Variants in SEMA3A observed in about 807,000 individuals in gnomAD.
SEMA3A encodes the protein semaphorin 3A.
In SEMA3A, 29 loss-of-function variants were observed where a neutral mutation model predicts 97.9. The observed-to-expected ratio is 0.30, with a 90% CI of 0.22 to 0.40. The LOEUF (loss-of-function observed/expected upper bound fraction) is 0.40, where lower values mean the gene tolerates loss of function less well. Ranked by LOEUF, SEMA3A falls within the 10% of genes least tolerant of loss-of-function variation. SEMA3A has a pLI of 1.00. For missense variants in SEMA3A, 763 were observed against 951.3 expected, an observed-to-expected ratio of 0.80 and a Z score of 2.60; for synonymous variants, 321 against 323.7, an observed-to-expected ratio of 0.99 and a Z score of 0.09.
intron 11 of SEMA3A, among the ~76,000 whole-genome samples, chr7:84,002,685 T>G (rs1346406969): frequency 6.6e-6 from 1 of 152,288 alleles, no homozygotes; most frequent in Middle Eastern, 3.4e-3. Context: ...AGTAAACACC[T>G]AGAATTGCTT....
chr7:84,432,382 T>C (rs1420019866), intron 1 of SEMA3A, among the ~76,000 whole-genome samples: 1 of 152,154 alleles, frequency 6.6e-6, no homozygotes, highest in Non-Finnish European at 1.5e-5. Flanking sequence ...ACTACAATTA[T>C]TTTTATTATT....
chr7:84,347,611 C>T (rs111579194), intron 2 of SEMA3A, among the ~76,000 whole-genome samples: 1,621 of 152,078 alleles, frequency 0.011, 33 homozygotes, highest in African/African-American at 0.037. Context: ...GGGATTTCAC[C>T]ACATTGGCCA....
At chr7:84,045,971 G>GAA (rs199548362) in intron 6 of SEMA3A, among the ~76,000 whole-genome samples, 7,309 of 148,210 alleles carry the variant, frequency 0.049, 287 homozygotes, top group East Asian at 0.19. Context: ...AGATGTAAAG[G>GAA]AAAAAAAAAA....
intron 12 of SEMA3A, among the ~76,000 whole-genome samples, chr7:83,999,623 T>C (rs976861534): frequency 1.3e-5 from 2 of 152,100 alleles, no homozygotes; most frequent in African/African-American, 4.8e-5. Context: ...GAATTTAGCA[T>C]TGTGCCAGGA....
intron 1 of SEMA3A, among the ~76,000 whole-genome samples, chr7:84,407,342 T>A (rs1246177073): frequency 6.6e-6 from 1 of 152,116 alleles, no homozygotes; most frequent in African/African-American, 2.4e-5. Flanking sequence ...ACAAGGGATA[T>A]GAAGGACCTC....
intron 1 of SEMA3A, among the ~76,000 whole-genome samples, chr7:84,160,275 ATCG>A (rs1796990315): frequency 8.0e-6 from 1 of 125,422 alleles, no homozygotes; most frequent in Admixed American, 8.3e-5. Context: ...CTATCTATCT[ATCG>A]TTAGTTCGTT....
intron 2 of SEMA3A, among the ~76,000 whole-genome samples, chr7:84,318,739 A>G (rs1801576137): frequency 6.6e-6 from 1 of 152,168 alleles, no homozygotes; most frequent in Non-Finnish European, 1.5e-5. Context: ...AGCCACTCTT[A>G]TCTTGTGACT....
chr7:84,299,242 G>GTATACA (rs1800939529), intron 3 of SEMA3A, among the ~76,000 whole-genome samples: 1 of 127,536 alleles, frequency 7.8e-6, no homozygotes, highest in Non-Finnish European at 1.6e-5. Context: ...AAAACAGTGT[G>GTATACA]TATATATATA....
rs75064494 is a variant in SEMA3A at position 84,089,978 on chromosome 7, T to C, written c.453+20492A>G. Among the ~76,000 whole-genome samples, 798 of 152,116 alleles carry C rather than the reference T, an allele frequency of 5.2e-3. 4 individuals carry two copies. Among genetic ancestry groups the C allele is most frequent in the East Asian group, 0.017 (87 of 5,182 alleles). The stretch of plus-strand genomic sequence containing the variant: ...CTTAGAAAAATATATTTTAAAATAC[T>C]ATTATTATATGATGGATGATTTGAA... On this transcript the variant is annotated intron_variant, in intron 4 of 16. Transcript: ENST00000265362.
chr7:84,435,935 G>A (rs1805115857), intron 1 of SEMA3A, among the ~76,000 whole-genome samples: 3 of 152,098 alleles, frequency 2.0e-5, no homozygotes, highest in Admixed American at 6.6e-5. Flanking sequence ...AAACTGTGCT[G>A]TAAGGCTACA....
intron 11 of SEMA3A, among the ~76,000 whole-genome samples, chr7:84,002,257 T>G (rs549105805): frequency 6.6e-6 from 1 of 152,278 alleles, no homozygotes; most frequent in African/African-American, 2.4e-5. Flanking sequence ...AACACAATCT[T>G]GGAATAATAA....
At chr7:84,056,925 A>C (rs985032755) in intron 5 of SEMA3A, among the ~76,000 whole-genome samples, 5 of 152,230 alleles carry the variant, frequency 3.3e-5, no homozygotes, top group Admixed American at 3.3e-4. Context: ...CACCGAAAAT[A>C]ATAGTATGCT....
chr7:84,404,310 T>A (rs184882916), intron 1 of SEMA3A, among the ~76,000 whole-genome samples: 3,992 of 151,256 alleles, frequency 0.026, 165 homozygotes, highest in African/African-American at 0.09. Flanking sequence ...GAAGACAAAA[T>A]GAATGAAATG....
chr7:83,958,314 AG>A lies in SEMA3A; in HGVS notation c.*3056del, dbSNP rs979308918. On this transcript the variant is annotated 3_prime_UTR_variant, in exon 17 of 17. Transcript: ENST00000265362. ...TATGTTCCTTAACACCATATGTTAT[AG>A]GGAACAGTAAAGACATCTGAATTCA... The A allele has an allele frequency of 6.6e-6, 1 of 152,506 alleles. No individual in the cohort carries two copies. Among genetic ancestry groups the A allele is most frequent in the African/African-American group, 2.4e-5 (1 of 41,432 alleles). 9.4% of individuals were successfully genotyped at this position (152,506 alleles called of 1,614,324 possible).
At chr7:84,040,200 A>G (rs1792085455) in intron 6 of SEMA3A, among the ~76,000 whole-genome samples, 2 of 149,650 alleles carry the variant, frequency 1.3e-5, no homozygotes, top group African/African-American at 4.9e-5. Flanking sequence ...TTTCACTCAG[A>G]GTGATTAGGG....
chr7:84,265,802 T>G (rs923131675), intron 3 of SEMA3A, among the ~76,000 whole-genome samples: 4 of 151,924 alleles, frequency 2.6e-5, no homozygotes, highest in African/African-American at 7.3e-5. Context: ...ACACTTTGCC[T>G]TCTGTGAGCA....
At chr7:84,091,700 T>C (rs190029801) in intron 4 of SEMA3A, among the ~76,000 whole-genome samples, 2 of 152,290 alleles carry the variant, frequency 1.3e-5, no homozygotes, top group Admixed American at 1.3e-4. Context: ...GAAAACTGTT[T>C]TAATTTGGCT....
At chr7:83,994,990 C>A (rs574757537) in intron 12 of SEMA3A, among the ~76,000 whole-genome samples, 3 of 152,176 alleles carry the variant, frequency 2.0e-5, no homozygotes, top group South Asian at 2.1e-4. Flanking sequence ...CAGGACCCTC[C>A]GAGCCATGTG....
intron 2 of SEMA3A, among the ~76,000 whole-genome samples, chr7:84,345,782 A>G (rs1802284841): frequency 6.6e-6 from 1 of 152,178 alleles, no homozygotes; most frequent in African/African-American, 2.4e-5. Context: ...GGAAGTCTTC[A>G]ACACTTCAAA....
Sources: allele counts gnomAD v4.1 joint callset (sites outside exome capture counted in the v4.1 genomes callset), GRCh38; gene constraint gnomAD v4.1.1; transcripts MANE v1.5; gene names NCBI Gene and HGNC (gene_info 2026-07-23, HGNC 2026-07-21).